Variants in SLC25A21 observed in about 807,000 individuals in gnomAD.
SLC25A21 encodes the protein solute carrier family 25 member 21.
In SLC25A21, 47 loss-of-function variants were observed where a neutral mutation model predicts 43.8. The observed-to-expected ratio is 1.07, with a 90% CI of 0.85 to 1.37. The LOEUF (loss-of-function observed/expected upper bound fraction) is 1.37. Ranked by LOEUF, SLC25A21 falls within the 40% of genes most tolerant of loss-of-function variation. The pLI, the probability that SLC25A21 is intolerant of heterozygous loss-of-function variation, is 0.00. For missense variants in SLC25A21, 352 were observed against 350.2 expected (o/e 1.00, Z -0.04); for synonymous variants, 131 against 121.3 (o/e 1.08, Z -0.52).
Position 36,817,457 on chromosome 14 carries a change from GA to G in SLC25A21, c.120-3457del, listed in dbSNP as rs1888495426. On this transcript the variant is annotated intron_variant, in intron 2 of 9. Transcript: ENST00000331299. ...AGGGAAAGCTGTCCTTTCTAATGGG[GA>G]AGCGAACACCACAGCCGCCTACCCC... 5.3e-5 allele frequency among the ~76,000 whole-genome samples: 8 copies of G among 152,208 alleles called. No individual in the cohort carries two copies. In the South Asian group the frequency reaches 1.7e-3, roughly 32 times the overall value.
intron 7 of SLC25A21, among the ~76,000 whole-genome samples, chr14:36,685,937 C>A (rs1360882811): frequency 6.6e-6 from 1 of 152,044 alleles, no homozygotes; most frequent in Admixed American, 6.6e-5. Flanking sequence ...TGACTCCGAC[C>A]CCCCACCCTA....
chr14:36,979,346 T>C (rs944629737), intron 1 of SLC25A21, among the ~76,000 whole-genome samples: 15 of 150,410 alleles, frequency 1.0e-4, no homozygotes, highest in Admixed American at 7.2e-4. Context: ...TTTTTTTTAC[T>C]GTTTTTGTTT....
At chr14:36,916,092 G>T (rs916647989) in intron 1 of SLC25A21, among the ~76,000 whole-genome samples, 1 of 152,176 alleles carries the variant, frequency 6.6e-6, no homozygotes, top group Non-Finnish European at 1.5e-5. Flanking sequence ...GAAGTAAAAT[G>T]TGGTTTTCAG....
At chr14:36,939,952 A>G (rs1445220823) in intron 1 of SLC25A21, among the ~76,000 whole-genome samples, 5 of 152,174 alleles carry the variant, frequency 3.3e-5, no homozygotes, top group African/African-American at 1.2e-4. Context: ...CCTCCACGTC[A>G]TATTTGCTAA....
chr14:36,808,057 G>A (rs775217664), intron 3 of SLC25A21, among the ~76,000 whole-genome samples: 7 of 152,146 alleles, frequency 4.6e-5, no homozygotes, highest in South Asian at 2.1e-4. Flanking sequence ...AAAACAAATC[G>A]TGAAACTAAA....
chr14:37,161,713 C>T (rs906928149), intron 1 of SLC25A21, among the ~76,000 whole-genome samples: 3 of 151,872 alleles, frequency 2.0e-5, no homozygotes, highest in Non-Finnish European at 4.4e-5. Context: ...GTAATCCCAG[C>T]GCTTTGGGAG....
At chr14:36,944,725 T>C (rs1162449935) in intron 1 of SLC25A21, among the ~76,000 whole-genome samples, 2 of 152,212 alleles carry the variant, frequency 1.3e-5, no homozygotes, top group African/African-American at 4.8e-5. Context: ...TTCACATTTT[T>C]CCCTTTCTCA....
At chr14:36,961,490 A>G (rs368313829) in intron 1 of SLC25A21, among the ~76,000 whole-genome samples, 1 of 152,160 alleles carries the variant, frequency 6.6e-6, no homozygotes, top group South Asian at 2.1e-4. Context: ...CGAGAAAGTG[A>G]CCACTATTAT....
At chr14:36,927,966 G>T (rs1318278608) in intron 1 of SLC25A21, among the ~76,000 whole-genome samples, 2 of 152,052 alleles carry the variant, frequency 1.3e-5, no homozygotes, top group South Asian at 4.1e-4. Flanking sequence ...AGGAATTCCT[G>T]GTGTCTAGCA....
At chr14:37,043,372 A>G (rs751720908) in intron 1 of SLC25A21, among the ~76,000 whole-genome samples, 10 of 152,184 alleles carry the variant, frequency 6.6e-5, no homozygotes, top group Non-Finnish European at 1.2e-4. Flanking sequence ...ATGGTCCAAA[A>G]GACCGTTCAG....
intron 7 of SLC25A21, among the ~76,000 whole-genome samples, chr14:36,688,991 C>T (rs982220263): frequency 2.6e-5 from 4 of 152,180 alleles, no homozygotes; most frequent in Non-Finnish European, 4.4e-5. Flanking sequence ...GTCTAAGAAC[C>T]TTCTGAAATT....
intron 7 of SLC25A21, among the ~76,000 whole-genome samples, chr14:36,687,476 A>G (rs1184961408): frequency 6.6e-6 from 1 of 152,150 alleles, no homozygotes; most frequent in Non-Finnish European, 1.5e-5. Context: ...GGAATCAGTG[A>G]TTTTGATGTT....
At chr14:36,970,436 T>A (rs1328737619) in intron 1 of SLC25A21, among the ~76,000 whole-genome samples, 2 of 152,192 alleles carry the variant, frequency 1.3e-5, no homozygotes, top group Non-Finnish European at 2.9e-5. Flanking sequence ...TTAGGCCAAC[T>A]TCAAAGTAAA....
chr14:37,043,697 C>G (rs2415374), intron 1 of SLC25A21, among the ~76,000 whole-genome samples: 56,948 of 151,858 alleles, frequency 0.38, 11,071 homozygotes, highest in African/African-American at 0.48. Flanking sequence ...ACTCATCATC[C>G]TTTCTTTATT....
At chr14:37,093,268 T>C (rs1962623545) in intron 1 of SLC25A21, among the ~76,000 whole-genome samples, 2 of 152,162 alleles carry the variant, frequency 1.3e-5, no homozygotes, top group African/African-American at 2.4e-5. Context: ...TCAAATAAAA[T>C]TACAAATATA....
At chr14:36,764,681 C>A (rs1024913412) in intron 3 of SLC25A21, among the ~76,000 whole-genome samples, 2 of 151,772 alleles carry the variant, frequency 1.3e-5, no homozygotes, top group African/African-American at 2.4e-5. Context: ...GGCTTAGGAC[C>A]CAGCATGCTT....
At chr14:36,798,902 A>G (rs201429963) in intron 3 of SLC25A21, among the ~76,000 whole-genome samples, 19 of 150,880 alleles carry the variant, frequency 1.3e-4, no homozygotes, top group East Asian at 7.9e-4. Flanking sequence ...TAGGGAGAGA[A>G]AGAGAGAGAG....
chr14:36,978,884 A>G (rs540413380), intron 1 of SLC25A21, among the ~76,000 whole-genome samples: 1 of 152,150 alleles, frequency 6.6e-6, no homozygotes, highest in Admixed American at 6.5e-5. Flanking sequence ...CTTCAAAAAA[A>G]GTTTACTGAG....
intron 2 of SLC25A21, among the ~76,000 whole-genome samples, chr14:36,818,677 T>G (rs1463114459): frequency 6.6e-6 from 1 of 152,256 alleles, no homozygotes; most frequent in Admixed American, 6.5e-5. Context: ...TGACTTATTC[T>G]GATCACAGAG....
Sources: gnomAD v4.1 joint callset for allele counts (sites outside exome capture counted in the v4.1 genomes callset) on GRCh38, gnomAD v4.1.1 for gene constraint, MANE v1.5 for transcripts, NCBI Gene and HGNC (gene_info 2026-07-23, HGNC 2026-07-21) for gene names.